The following PCYT1B variants were observed in gnomAD, a reference collection of about 807,000 sequenced individuals.
The protein encoded by PCYT1B is phosphate cytidylyltransferase 1B, choline.
A neutral mutation model predicts 26.4 loss-of-function variants in PCYT1B; 10 were observed. The observed-to-expected ratio is 0.38, with a 90% confidence interval of 0.23 to 0.64. PCYT1B has a LOEUF of 0.64. Ranked by LOEUF, PCYT1B falls within the 30% of genes least tolerant of loss-of-function variation. The pLI is 0.56. For synonymous variants in PCYT1B, 131 were observed against 108.4 expected, an observed-to-expected ratio of 1.21 and a Z score of -1.29; for missense variants, 161 against 292.7, an observed-to-expected ratio of 0.55 and a Z score of 3.28.
chrX:24,597,000 G>T (rs759541222), intron 3 of PCYT1B, among the ~76,000 whole-genome samples: 1 of 111,744 alleles, frequency 8.9e-6, no homozygotes, highest in Non-Finnish European at 1.9e-5. Flanking sequence ...ACTTTCCTCA[G>T]TATAGAATTG....
chrX:24,670,152 G>A (rs1569261945), intron 1 of PCYT1B, among the ~76,000 whole-genome samples: 1 of 108,357 alleles, frequency 9.2e-6, no homozygotes, highest in Admixed American at 1.0e-4. Flanking sequence ...AAGGAAGGAA[G>A]GAAATGGGAA....
chrX:24,578,073 G>C (rs1181887782), intron 6 of PCYT1B, among the ~76,000 whole-genome samples: 1 of 111,401 alleles, frequency 9.0e-6, no homozygotes, highest in Non-Finnish European at 1.9e-5. Flanking sequence ...CAATAGCAAA[G>C]ACTTGGAACC....
chrX:24,648,449 ATTTTT>A (rs57744798), upstream of PCYT1B, among the ~76,000 whole-genome samples: 19 of 39,723 alleles, frequency 4.8e-4, no homozygotes, highest in African/African-American at 2.5e-3. Flanking sequence ...ATTTGAAGGA[ATTTTT>A]TTTTTTTTTT....
intron 7 of PCYT1B, among the ~76,000 whole-genome samples, chrX:24,574,639 G>C (rs754364633): frequency 3.6e-5 from 4 of 111,548 alleles, no homozygotes; most frequent in Non-Finnish European, 7.5e-5. Flanking sequence ...CAGTAAAAGA[G>C]GAGGGCTCCT....
In PCYT1B at chrX:24,647,271, G is replaced by A; in HGVS notation, c.-166C>T. On this transcript the variant is annotated 5_prime_UTR_variant, in exon 1 of 8. Coordinates refer to ENST00000379144, the MANE Select transcript of PCYT1B (RefSeq NM_004845.5). ...AGGGGAAGTAAAGAGGTTACCCCCC[G>A]CCCCTCTCTCTCTCTCTCTCTCCCA... 2.4e-6 allele frequency: 2 copies of A among 845,765 alleles called. No individual in the cohort carries two copies. Among genetic ancestry groups the A allele is most frequent in the East Asian group, 8.8e-5 (2 of 22,756 alleles). The allele number at this position is 845,765 out of a possible 1,213,427, so 69.7% of individuals were successfully genotyped here.
chrX:24,591,133 C>A (rs1307030206), intron 3 of PCYT1B, among the ~76,000 whole-genome samples: 1 of 111,635 alleles, frequency 9.0e-6, no homozygotes, highest in Non-Finnish European at 1.9e-5. Flanking sequence ...GTTCCTGAAC[C>A]CTCAAATGGG....
At chrX:24,618,838 T>C in intron 2 of PCYT1B, 147 bp downstream of exon 2, 1 of 324,781 alleles carries the variant, frequency 3.1e-6, no homozygotes, top group Non-Finnish European at 5.5e-6. Context: ...GCCAGGCTGG[T>C]CTCAAACTCC....
chrX:24,656,908 T>A (rs1376005501), intron 1 of PCYT1B, among the ~76,000 whole-genome samples: 1 of 111,633 alleles, frequency 9.0e-6, no homozygotes, highest in African/African-American at 3.3e-5. Flanking sequence ...GAGATATTTT[T>A]AAAATCAAAA....
At chrX:24,618,135 A>C (rs1925574792) in intron 2 of PCYT1B, among the ~76,000 whole-genome samples, 1 of 111,455 alleles carries the variant, frequency 9.0e-6, no homozygotes. Context: ...ATTCTTTCCA[A>C]ATCTCTTCCC....
At chrX:24,606,265 C>T (rs1925132813) in intron 3 of PCYT1B, among the ~76,000 whole-genome samples, 1 of 111,060 alleles carries the variant, frequency 9.0e-6, no homozygotes, top group South Asian at 3.8e-4. Context: ...CTGTGACCCA[C>T]ACCTAACCAC....
intron 3 of PCYT1B, among the ~76,000 whole-genome samples, chrX:24,603,247 T>A (rs1925023488): frequency 8.9e-6 from 1 of 112,357 alleles, no homozygotes; most frequent in Admixed American, 9.4e-5. Flanking sequence ...CATCATTCTC[T>A]AGGAAGCATT....
chrX:24,579,199 A>AAAAG (rs1555956460), intron 6 of PCYT1B, 117 bp downstream of exon 6: 309 of 467,131 alleles, frequency 6.6e-4, no homozygotes, highest in South Asian at 7.3e-4. Flanking sequence ...AAAAAAAAAA[A>AAAAG]AGAGAGAGAG....
At chrX:24,648,752 T>C (rs1219584706), upstream of PCYT1B, among the ~76,000 whole-genome samples, 21 of 110,242 alleles carry the variant, frequency 1.9e-4, 1 homozygote, top group Non-Finnish European at 1.9e-5. Flanking sequence ...AATTTGCTTT[T>C]CTAGAGAGTT....
At chrX:24,571,270 A>G (rs1382842371) in intron 7 of PCYT1B, among the ~76,000 whole-genome samples, 1 of 111,392 alleles carries the variant, frequency 9.0e-6, no homozygotes, top group African/African-American at 3.3e-5. Context: ...AGGCTGAGGC[A>G]GGAGAATCAC....
chrX:24,586,325 G>T (rs972350092), intron 5 of PCYT1B, among the ~76,000 whole-genome samples: 1 of 112,811 alleles, frequency 8.9e-6, no homozygotes, highest in Non-Finnish European at 1.9e-5. Context: ...CATCAGTTCT[G>T]CCAGGAGCTG....
chrX:24,597,152 T>C (rs1602168982), intron 3 of PCYT1B, among the ~76,000 whole-genome samples: 1 of 105,161 alleles, frequency 9.5e-6, no homozygotes, highest in African/African-American at 3.5e-5. Context: ...TGAGATGGAG[T>C]CTCGCTCTGT....
At chrX:24,660,183 T>C (rs1926999794) in intron 1 of PCYT1B, among the ~76,000 whole-genome samples, 1 of 111,895 alleles carries the variant, frequency 8.9e-6, no homozygotes, top group African/African-American at 3.2e-5. Flanking sequence ...AGACACTTTA[T>C]TCATACATGG....
Position 24,568,197 on chromosome X carries a change from C to T in PCYT1B, c.898-5692G>A, listed in dbSNP as rs1398493469. The stretch of plus-strand genomic sequence containing the variant: ...AAATCAATAACAACTAACCCTTACA[C>T]GGTGCCCGACACAGGTGCCAGGCAC... On this transcript the variant is annotated intron_variant, in intron 7 of 7. Coordinates refer to ENST00000379144, the MANE Select transcript of PCYT1B (RefSeq NM_004845.5). 9.9e-5 allele frequency among the ~76,000 whole-genome samples: 11 copies of T among 111,520 alleles called. No individual in the cohort carries two copies. In the Admixed American group the frequency reaches 1.0e-3, roughly 11 times the overall value.
intron 1 of PCYT1B, among the ~76,000 whole-genome samples, chrX:24,670,092 GA>G (rs1927215662): frequency 3.3e-5 from 3 of 90,255 alleles, no homozygotes; most frequent in African/African-American, 8.1e-5. Context: ...AAGAAAGAAA[GA>G]AAGAAAGAAA....
Sources: allele counts gnomAD v4.1 joint callset (sites outside exome capture counted in the v4.1 genomes callset), GRCh38; gene constraint gnomAD v4.1.1; transcripts MANE v1.5; gene names NCBI Gene and HGNC (gene_info 2026-07-23, HGNC 2026-07-21).